The following CDKL1 variants were observed in gnomAD, a reference collection of about 807,000 sequenced individuals.
CDKL1 encodes cyclin dependent kinase like 1.
A neutral mutation model predicts 42.0 loss-of-function variants in CDKL1; 41 were observed. The ratio of observed to expected loss-of-function variants is 0.98; its 90% CI spans 0.76 to 1.27. CDKL1 has a LOEUF of 1.27. Among genes scored for constraint, CDKL1 ranks in the 50% most tolerant of loss-of-function variants. CDKL1 has a pLI of 0.00. For synonymous variants in CDKL1, 153 were observed against 158.6 expected (o/e 0.96, Z 0.26); for missense variants, 394 against 428.4 (o/e 0.92, Z 0.71).
rs969818012 is a variant in CDKL1, at chr14:50,328,029, G to A, written c.*2045C>T. ...AATTGAACATAAGCATAAATTTAAC[G>A]GAACTCATTAGAAAAAAATAAGCCT... On this transcript the variant is annotated 3_prime_UTR_variant, in exon 10 of 10. Coordinates refer to ENST00000395834, the MANE Select transcript of CDKL1 (RefSeq NM_004196.7). 5 of 152,100 alleles carry A rather than the reference G, an allele frequency of 3.3e-5. No individual in the cohort carries two copies. Among genetic ancestry groups the A allele is most frequent in the African/African-American group, 7.2e-5 (3 of 41,510 alleles). The allele number at this position is 152,100 out of a possible 1,614,324, so 9.4% of individuals were successfully genotyped here.
intron 4 of CDKL1, among the ~76,000 whole-genome samples, chr14:50,343,812 T>C (rs1007199898): frequency 2.0e-5 from 3 of 152,172 alleles, no homozygotes; most frequent in Non-Finnish European, 2.9e-5. Context: ...TGGTAAGTCA[T>C]AGTAACTAAC....
At chr14:50,353,750 G>A (rs755160669) in intron 3 of CDKL1, among the ~76,000 whole-genome samples, 106 of 152,008 alleles carry the variant, frequency 7.0e-4, no homozygotes, top group Non-Finnish European at 1.3e-3. Flanking sequence ...AAAAAATGCA[G>A]CCTGGTGTGG....
At chr14:50,334,917 G>T in intron 7 of CDKL1, 3 of 174,952 alleles carry the variant, frequency 1.7e-5, no homozygotes, top group Non-Finnish European at 3.0e-5. Flanking sequence ...ACTTTTCTGA[G>T]CAGTTTTTTT....
chr14:50,391,421 C>T (rs762975311), intron 2 of CDKL1, among the ~76,000 whole-genome samples: 32 of 152,008 alleles, frequency 2.1e-4, no homozygotes, highest in Admixed American at 4.6e-4. Flanking sequence ...CTTGCTCTGT[C>T]GCCCAGGCTG....
chr14:50,341,627 A>C (rs2033544154), intron 5 of CDKL1, among the ~76,000 whole-genome samples: 1 of 152,072 alleles, frequency 6.6e-6, no homozygotes, highest in Non-Finnish European at 1.5e-5. Context: ...AAAAAAATAC[A>C]AAACTTAGCC....
Position 50,329,956 on chromosome 14 carries a change from C to A in CDKL1, c.*118G>T. ...TGCCAGTTGGCCTCCCAGTTTCTTG[C>A]TTATGTTTTCTCCTGGTGTGTTTTC... On this transcript the variant is annotated 3_prime_UTR_variant, in exon 10 of 10. Transcript: ENST00000395834. 8.0e-7 allele frequency: 1 copy of A among 1,257,662 alleles called. No individual in the cohort carries two copies. Among genetic ancestry groups the A allele is most frequent in the Non-Finnish European group, 1.1e-6 (1 of 945,298 alleles). The allele number at this position is 1,257,662 out of a possible 1,614,324, so 77.9% of individuals were successfully genotyped here.
At chr14:50,364,665 C>G (rs2034388458) in intron 2 of CDKL1, among the ~76,000 whole-genome samples, 1 of 152,196 alleles carries the variant, frequency 6.6e-6, no homozygotes, top group Non-Finnish European at 1.5e-5. Flanking sequence ...AGTTTTCCAT[C>G]TGTAAGAGTA....
intron 2 of CDKL1, among the ~76,000 whole-genome samples, chr14:50,382,273 G>A (rs1326159704): frequency 4.6e-5 from 7 of 152,066 alleles, no homozygotes; most frequent in East Asian, 1.9e-4. Context: ...TAACGCGGTG[G>A]AACCCCGTCT....
intron 2 of CDKL1, chr14:50,380,044 C>G: frequency 2.1e-6 from 1 of 470,362 alleles, no homozygotes; most frequent in Admixed American, 2.3e-5. Flanking sequence ...CTTGAGATAA[C>G]TTCCTCCACT....
intron 3 of CDKL1, 53 bp downstream of exon 3, chr14:50,358,975 G>A (rs1254879112): frequency 1.2e-5 from 19 of 1,568,230 alleles, no homozygotes; most frequent in Non-Finnish European, 1.5e-5. Flanking sequence ...GCCACTTTTC[G>A]CTCACAAATC....
intron 7 of CDKL1, chr14:50,335,869 A>AT: frequency 7.9e-7 from 1 of 1,267,376 alleles, no homozygotes; most frequent in Non-Finnish European, 1.0e-6. Flanking sequence ...CTAATCATTG[A>AT]TAAGAGTAGG....
chr14:50,368,650 T>A (rs1438158560), intron 2 of CDKL1, among the ~76,000 whole-genome samples: 2 of 152,102 alleles, frequency 1.3e-5, no homozygotes, highest in South Asian at 2.1e-4. Flanking sequence ...ACTTCATTTT[T>A]CTGAGGTTGA....
intron 7 of CDKL1, among the ~76,000 whole-genome samples, chr14:50,335,242 G>A (rs1213867352): frequency 5.4e-5 from 7 of 130,072 alleles, no homozygotes; most frequent in Non-Finnish European, 9.2e-5. Flanking sequence ...GCTGCAGTAA[G>A]CCATAAATGT....
rs2037071729 is a variant in CDKL1, at chr14:50,329,928, T to C, written c.*146A>G. On this transcript the variant is annotated 3_prime_UTR_variant, in exon 10 of 10. Transcript: ENST00000395834. ...ACTGGATCTGGAATTTCCCTTCATA[T>C]CTTGCCAGTTGGCCTCCCAGTTTCT... 1 of 935,812 alleles carries C rather than the reference T, an allele frequency of 1.1e-6. No individual in the cohort carries two copies. The highest frequency in any genetic ancestry group is 1.5e-6 in the Non-Finnish European group (1 of 654,872). The allele number at this position is 935,812 out of a possible 1,614,324, so 58.0% of individuals were successfully genotyped here.
intron 2 of CDKL1, chr14:50,363,908 G>A (rs959198947): frequency 2.0e-5 from 3 of 152,248 alleles, no homozygotes; most frequent in African/African-American, 7.2e-5. Flanking sequence ...CTTCCTAGAA[G>A]GCTCACACTC....
chr14:50,341,288 TGA>T, intron 5 of CDKL1, 56 bp from the exon 6 acceptor site: 2 of 1,534,254 alleles, frequency 1.3e-6, no homozygotes, highest in African/African-American at 1.4e-5. Context: ...GAATCAAAAC[TGA>T]GGGGGAGATC....
rs2032721833 is a variant in CDKL1 at position 50,326,798 on chromosome 14, T to A, written c.*3276A>T. 1 of 973,956 alleles carries A rather than the reference T, an allele frequency of 1.0e-6. No individual in the cohort carries two copies. The allele number at this position is 973,956 out of a possible 1,614,324, so 60.3% of individuals were successfully genotyped here. A position where few individuals can be genotyped will look rare whatever the true frequency, so the allele number is the denominator to read the frequency against. On this transcript the variant is annotated 3_prime_UTR_variant, in exon 10 of 10. Transcript: ENST00000395834. The stretch of plus-strand genomic sequence containing the variant: ...GCTCGTGCCTGTAATCCCAGTGCTT[T>A]GGGAGGCTGAGGTGGGAGGATCACT...
chr14:50,332,361 G>A lies in CDKL1; in HGVS notation c.867C>T (p.Asn289=), dbSNP rs1470445637. 6.2e-7 allele frequency: 1 copy of A among 1,614,134 alleles called. No individual in the cohort carries two copies. The highest frequency in any genetic ancestry group is 8.5e-7 in the Non-Finnish European group (1 of 1,180,022). ...EQLLHHPYFE[N]IREIEDLAKE... ...TTGCCAAATCCTCTATTTCTCTGAT[G>A]TTTTCAAAATATGGGTGATGCAACA... Residue 289 remains asparagine, a synonymous_variant, in exon 9 of 10, where the codon AAC becomes AAT. Coordinates refer to ENST00000395834, the MANE Select transcript of CDKL1 (RefSeq NM_004196.7).
intron 2 of CDKL1, among the ~76,000 whole-genome samples, chr14:50,364,462 C>CT (rs1489668492): frequency 2.6e-5 from 4 of 152,214 alleles, no homozygotes; most frequent in Admixed American, 6.5e-5. Context: ...GAGCAAAACT[C>CT]TGTCTCTAAA....
Sources: allele counts gnomAD v4.1 joint callset (sites outside exome capture counted in the v4.1 genomes callset), GRCh38; gene constraint gnomAD v4.1.1; transcripts MANE v1.5; gene names NCBI Gene and HGNC (gene_info 2026-07-23, HGNC 2026-07-21).